Variants in ELAVL4 observed in about 807,000 individuals in gnomAD.
ELAVL4 encodes the protein ELAV like RNA binding protein 4.
Under a neutral mutation model 35.6 loss-of-function variants are expected in ELAVL4, and 1 was observed. The ratio of observed to expected loss-of-function variants is 0.03; its 90% CI spans 0.01 to 0.13. The LOEUF (loss-of-function observed/expected upper bound fraction) is 0.13, where lower values mean the gene tolerates loss of function less well. Among genes scored for constraint, ELAVL4 ranks in the 10% least tolerant of loss-of-function variants. The pLI, the probability that ELAVL4 is intolerant of heterozygous loss-of-function variation, is 1.00. For synonymous variants in ELAVL4, 156 were observed against 171.0 expected (o/e 0.91, Z 0.69); for missense variants, 267 against 464.9 (o/e 0.57, Z 3.91).
chr1:50,103,889 T>G, upstream of ELAVL4: 1 of 1,607,344 alleles, frequency 6.2e-7, no homozygotes, highest in Admixed American at 1.7e-5. Flanking sequence ...TCGGAGGGAC[T>G]GGTGTGAAGA....
chr1:50,080,193 C>T (rs1009017390), intron 1 of ELAVL4, among the ~76,000 whole-genome samples: 2 of 152,146 alleles, frequency 1.3e-5, no homozygotes, highest in Non-Finnish European at 2.9e-5. Context: ...ATGAAGTTAA[C>T]TAAATGTAAA....
chr1:50,056,500 G>A (rs181361112), intron 1 of ELAVL4, among the ~76,000 whole-genome samples: 48 of 152,140 alleles, frequency 3.2e-4, no homozygotes, highest in Non-Finnish European at 3.7e-4. Context: ...TGGTAATAGT[G>A]GTGTAAACAA....
rs185652166 is a variant in ELAVL4 at position 50,048,078 on chromosome 1, G to C, written c.-87G>C. ...GCAGAGCGAGCTAGAGAGCGAGAGC[G>C]GTGAGACTCTGCGGACGTCTTCCCG... On this transcript the variant is annotated 5_prime_UTR_variant, in exon 1 of 7. Transcript: ENST00000448907. 5.7e-6 allele frequency: 8 copies of C among 1,401,506 alleles called. No individual in the cohort carries two copies. In the African/African-American group the frequency reaches 1.0e-4, roughly 18 times the overall value. 86.8% of individuals were successfully genotyped at this position (1,401,506 alleles called of 1,614,324 possible).
chr1:50,054,444 A>C (rs188834301), intron 1 of ELAVL4, among the ~76,000 whole-genome samples: 1 of 152,118 alleles, frequency 6.6e-6, no homozygotes, highest in Admixed American at 6.5e-5. Context: ...TTTCTGTTTG[A>C]TTTTTGTCCT....
intron 1 of ELAVL4, among the ~76,000 whole-genome samples, chr1:50,057,839 G>A (rs986440402): frequency 6.6e-6 from 1 of 152,192 alleles, no homozygotes; most frequent in Non-Finnish European, 1.5e-5. Flanking sequence ...ATGATGTCAA[G>A]TTACCATGTT....
intron 1 of ELAVL4, among the ~76,000 whole-genome samples, chr1:50,061,018 G>A (rs568145558): frequency 6.6e-6 from 1 of 152,266 alleles, no homozygotes; most frequent in African/African-American, 2.4e-5. Flanking sequence ...ATAACCAAAT[G>A]CAGAACAAAC....
chr1:50,155,614 C>T (rs947414707), intron 2 of ELAVL4, among the ~76,000 whole-genome samples: 2 of 152,126 alleles, frequency 1.3e-5, no homozygotes, highest in Admixed American at 6.5e-5. Context: ...GCAGGCCTTC[C>T]TTGCCTGCTG....
At chr1:50,115,348 T>C (rs997045978) in intron 1 of ELAVL4, 10 of 152,130 alleles carry the variant, frequency 6.6e-5, no homozygotes, top group African/African-American at 2.2e-4. Flanking sequence ...TTTTTGTGCT[T>C]GCGTTTTTGT....
intron 6 of ELAVL4, 156 bp downstream of exon 6, chr1:50,197,623 A>C: frequency 1.6e-6 from 1 of 640,742 alleles, no homozygotes; most frequent in Admixed American, 3.8e-5. Flanking sequence ...TTCGGACCTC[A>C]GTTGATTTTG....
upstream of ELAVL4, chr1:50,104,100 C>T (rs929256421): frequency 5.6e-6 from 7 of 1,244,606 alleles, no homozygotes; most frequent in African/African-American, 1.5e-5. Context: ...GACTATGGGT[C>T]CTTAAAAACC....
At chr1:50,195,438 C>A in intron 4 of ELAVL4, 123 bp from the exon 5 acceptor site, 1 of 1,035,258 alleles carries the variant, frequency 9.7e-7, no homozygotes, top group Non-Finnish European at 1.5e-6. Context: ...GGGAGCTGGG[C>A]TCAGCCCTGG....
chr1:50,173,573 T>C (rs1387364017), intron 2 of ELAVL4, among the ~76,000 whole-genome samples: 1 of 152,238 alleles, frequency 6.6e-6, no homozygotes, highest in South Asian at 2.1e-4. Flanking sequence ...GTAGGTCACC[T>C]GGGCACCAAG....
chr1:50,067,716 G>T (rs1664328561), intron 1 of ELAVL4, among the ~76,000 whole-genome samples: 1 of 152,188 alleles, frequency 6.6e-6, no homozygotes, highest in African/African-American at 2.4e-5. Flanking sequence ...TTCTCATGCT[G>T]CCATAAAGGA....
chr1:50,081,230 A>G (rs1478786650), intron 1 of ELAVL4, among the ~76,000 whole-genome samples: 1 of 152,150 alleles, frequency 6.6e-6, no homozygotes, highest in Non-Finnish European at 1.5e-5. Flanking sequence ...ATAATTACAT[A>G]TTTTTAAAAT....
At chr1:50,118,944 AAGAG>A (rs57074113) in intron 1 of ELAVL4, among the ~76,000 whole-genome samples, 60 of 113,866 alleles carry the variant, frequency 5.3e-4, no homozygotes, top group East Asian at 1.1e-3. Flanking sequence ...TAAAAAAAGA[AAGAG>A]AGAGAGAGAG....
rs999686823 is a variant in ELAVL4, at chr1:50,194,056, ACTT to A, written c.508+142_508+144del. On this transcript the variant is annotated intron_variant, in intron 4 of 6. Transcript: ENST00000371824. ...GACAGATTTTTGACTTGGAAGAAAG[ACTT>A]CTTATCGGTCAACTGCCCAAATTTA... The A allele has an allele frequency of 9.4e-6, 11 of 1,166,952 alleles. No individual in the cohort carries two copies. In the African/African-American group the frequency reaches 1.6e-4, roughly 17 times the overall value. The allele number at this position is 1,166,952 out of a possible 1,614,324, so 72.3% of individuals were successfully genotyped here. A position where few individuals can be genotyped will look rare whatever the true frequency, so the allele number is the denominator to read the frequency against.
chr1:50,174,086 T>G (rs1195281318), intron 2 of ELAVL4, among the ~76,000 whole-genome samples: 1 of 152,140 alleles, frequency 6.6e-6, no homozygotes, highest in African/African-American at 2.4e-5. Context: ...AACATAAAAT[T>G]TTTCCTCATT....
intron 2 of ELAVL4, among the ~76,000 whole-genome samples, chr1:50,155,193 T>G (rs1675518077): frequency 2.8e-5 from 3 of 107,512 alleles, no homozygotes; most frequent in South Asian, 6.5e-4. Flanking sequence ...CCCACAACAG[T>G]CCCCAGAGTA....
rs554149478 is a variant in ELAVL4, at chr1:50,160,544, G to A, written c.250+15347G>A. Among the ~76,000 whole-genome samples the A allele has an allele frequency of 2.9e-4, 44 of 152,284 alleles. 1 individual carries two copies. In the South Asian group the frequency reaches 7.5e-3, roughly 26 times the overall value. On this transcript the variant is annotated intron_variant, in intron 2 of 6. Coordinates refer to ENST00000371824, the MANE Select transcript of ELAVL4 (RefSeq NM_001144774.3). ...GCACTTTACTATCAGCGAACTCCTC[G>A]ATGATAAGGACAGAGGTGTCCATTT...
Sources: allele counts gnomAD v4.1 joint callset (sites outside exome capture counted in the v4.1 genomes callset), GRCh38; gene constraint gnomAD v4.1.1; transcripts MANE v1.5; gene names NCBI Gene and HGNC (gene_info 2026-07-23, HGNC 2026-07-21).